RESF1: variants seen among roughly 807,000 people sequenced by gnomAD.
The protein encoded by RESF1 is gonad expressed transcript.
Under a neutral mutation model 134.7 loss-of-function variants are expected in RESF1, and 65 were observed. The ratio of observed to expected loss-of-function variants is 0.48; its 90% CI spans 0.40 to 0.59. RESF1 has a LOEUF of 0.59. Ranked by LOEUF, RESF1 falls within the 20% of genes least tolerant of loss-of-function variation. The probability of loss-of-function intolerance (pLI) is 0.00; values close to 1 mark genes in which losing one functional copy is unlikely to be tolerated. For synonymous variants in RESF1, 762 were observed against 702.2 expected, an observed-to-expected ratio of 1.09 and a Z score of -1.35; for missense variants, 2,274 against 2,002.7, an observed-to-expected ratio of 1.14 and a Z score of -2.59.
Position 31,959,468 on chromosome 12 carries a change from G to A in RESF1, c.-365G>A, listed in dbSNP as rs1335174418. ...GCCGCCGGTTTTCTCCCCGCTTGCC[G>A]GGGTGGTCCTCTTCCCTTTGTCGGT... On this transcript the variant is annotated 5_prime_UTR_variant, in exon 1 of 6. Transcript: ENST00000312561. The A allele has an allele frequency of 1.3e-5, 2 of 152,350 alleles. No individual in the cohort carries two copies. The highest frequency in any genetic ancestry group is 6.5e-5 in the Admixed American group (1 of 15,284). 9.4% of individuals were successfully genotyped at this position (152,350 alleles called of 1,614,324 possible).
rs1004350052 is a variant in RESF1 at position 31,992,284 on chromosome 12, C to A, written c.5087-94C>A. The A allele has an allele frequency of 3.7e-6, 4 of 1,086,676 alleles. No individual in the cohort carries two copies. In the African/African-American group the frequency reaches 4.8e-5, roughly 13 times the overall value. The allele number at this position is 1,086,676 out of a possible 1,614,324, so 67.3% of individuals were successfully genotyped here. Reference sequence around the variant, plus strand: ...TTAACTCCTTGCCTTAATTTTTTATCCCTCCAATATATATTTTCCCTCTGA... The same window carrying A: ...TTAACTCCTTGCCTTAATTTTTTATACCTCCAATATATATTTTCCCTCTGA... On this transcript the variant is annotated intron_variant, in intron 5 of 5. Coordinates refer to ENST00000312561, the MANE Select transcript of RESF1 (RefSeq NM_018169.4).
At chr12:31,976,670 G>A (rs146701789) in intron 3 of RESF1, among the ~76,000 whole-genome samples, 293 of 152,024 alleles carry the variant, frequency 1.9e-3, no homozygotes, top group African/African-American at 6.8e-3. Flanking sequence ...GTGACAGAGC[G>A]AGACTCCATC....
chr12:31,960,356 C>T lies in RESF1; in HGVS notation c.-341-421C>T, dbSNP rs1939232757. ...GGGCGGGTGCATTTCAGTAGGCGGG[C>T]CGCAGAGCTTGTTTGGGGATTGCAT... is the stretch of plus-strand genomic sequence containing the variant. On this transcript the variant is annotated intron_variant, in intron 1 of 5. Transcript: ENST00000312561. 2.6e-5 allele frequency among the ~76,000 whole-genome samples: 4 copies of T among 152,074 alleles called. No individual in the cohort carries two copies. The South Asian group carries it at 8.3e-4, about 32-fold the overall frequency.
intron 3 of RESF1, among the ~76,000 whole-genome samples, chr12:31,973,885 A>G (rs1307183185): frequency 2.0e-5 from 3 of 152,084 alleles, no homozygotes; most frequent in Non-Finnish European, 4.4e-5. Context: ...CTACAATTCA[A>G]TTACATGTTG....
Position 31,992,955 on chromosome 12 carries a change from A to G in RESF1, c.*420A>G, listed in dbSNP as rs1446457655. 4 of 165,532 alleles carry G rather than the reference A, an allele frequency of 2.4e-5. No individual in the cohort carries two copies. Among genetic ancestry groups the G allele is most frequent in the African/African-American group, 9.6e-5 (4 of 41,534 alleles). The allele number at this position is 165,532 out of a possible 1,614,324, so 10.3% of individuals were successfully genotyped here. On this transcript the variant is annotated 3_prime_UTR_variant, in exon 6 of 6. Coordinates refer to ENST00000312561, the MANE Select transcript of RESF1 (RefSeq NM_018169.4). ...TTCAAAAATGCCCACTGTGATGTGA[A>G]TGTCAAAATATATTCTTAAGTGTTT...
Position 31,985,606 on chromosome 12 carries a change from G to T in RESF1, c.4651G>T (p.Asp1551Tyr), listed in dbSNP as rs755802195. 1 of 1,605,408 alleles carries T rather than the reference G, an allele frequency of 6.2e-7. No individual in the cohort carries two copies. The highest frequency in any genetic ancestry group is 1.3e-5 in the African/African-American group (1 of 74,248). ...GGKQPDKIWI[D>Y]KTKLDKLTNI... ...GAAGCAGCCTGATAAAATATGGATT[G>T]ATAAGACTAAATTAGACAAATTAAC... The change falls in exon 4 of 6, where the codon GAT (aspartate) becomes TAT (tyrosine). Residue 1551 changes from aspartate to tyrosine, a missense_variant. Physicochemically the swap from Asp to Tyr is radical, Grantham distance 160 (BLOSUM62 -3). Transcript: ENST00000312561.
At chr12:31,964,824 A>C (rs1343766229) in intron 2 of RESF1, among the ~76,000 whole-genome samples, 2 of 152,198 alleles carry the variant, frequency 1.3e-5, no homozygotes, top group Non-Finnish European at 2.9e-5. Context: ...TAAGTTTTTA[A>C]GATATCCTGG....
In RESF1 at chr12:31,967,667, G is replaced by T. The variant is rs11051705; in HGVS notation, c.-246-2522G>T. On this transcript the variant is annotated intron_variant, in intron 2 of 5. Transcript: ENST00000312561. ...GCCTGCCTCCGCAGGGGGGATTTTT[G>T]TTTTTTTTGTGTGTGTGTGTGTTTT... Among the ~76,000 whole-genome samples the T allele has an allele frequency of 9.8e-3, 516 of 52,662 alleles. 16 individuals carry two copies. In the East Asian group the frequency reaches 0.14, roughly 15 times the overall value. 34.5% of individuals were successfully genotyped at this position (52,662 alleles called of 152,430 possible). A position where few individuals can be genotyped will look rare whatever the true frequency, so the allele number is the denominator to read the frequency against.
chr12:31,992,648 TC>T lies in RESF1; in HGVS notation c.*116del. ...TGATAAAGATTTCTCAGAGTTTGGT[TC>T]CCACTTTCATTGTATTTCATTGAAA... is the stretch of plus-strand genomic sequence containing the variant. On this transcript the variant is annotated 3_prime_UTR_variant, in exon 6 of 6. Coordinates refer to ENST00000312561, the MANE Select transcript of RESF1 (RefSeq NM_018169.4). The T allele has an allele frequency of 2.6e-6, 3 of 1,133,182 alleles. No homozygotes were observed. Among genetic ancestry groups the T allele is most frequent in the Non-Finnish European group, 3.9e-6 (3 of 768,256 alleles). The allele number at this position is 1,133,182 out of a possible 1,614,324, so 70.2% of individuals were successfully genotyped here.
chr12:31,972,022 G>T (rs975824528), intron 3 of RESF1, among the ~76,000 whole-genome samples: 2 of 152,168 alleles, frequency 1.3e-5, no homozygotes, highest in African/African-American at 2.4e-5. Context: ...AAAGGATAGA[G>T]TTTAGAAGGC....
chr12:31,979,452 G>T lies in RESF1; in HGVS notation c.-78-1426G>T, dbSNP rs531643212. On this transcript the variant is annotated intron_variant, in intron 3 of 5. Transcript: ENST00000312561. The stretch of plus-strand genomic sequence containing the variant: ...ACTGGCTATAAAGCAAACAAGGTAT[G>T]CTTTCTCTGAGGTCACTACCTTCCC... 3.3e-5 allele frequency among the ~76,000 whole-genome samples: 5 copies of T among 152,292 alleles called. No homozygotes were observed. The East Asian group carries it at 7.7e-4, about 23-fold the overall frequency.
intron 3 of RESF1, among the ~76,000 whole-genome samples, chr12:31,979,555 A>G (rs1939723259): frequency 6.6e-6 from 1 of 151,140 alleles, no homozygotes; most frequent in South Asian, 2.1e-4. Context: ...TTGTTTTTTA[A>G]AAAAAACAGC....
chr12:31,977,069 T>C (rs960778983), intron 3 of RESF1, among the ~76,000 whole-genome samples: 8 of 152,222 alleles, frequency 5.3e-5, no homozygotes, highest in Admixed American at 1.3e-4. Context: ...TAATGGTGTT[T>C]TTTGATAAAC....
chr12:31,981,391 G>C lies in RESF1; in HGVS notation c.436G>C (p.Val146Leu). Residue 146 changes from valine to leucine, a missense_variant, in exon 4 of 6, where the codon GTA becomes CTA. By Grantham distance (32) the Val-to-Leu change is conservative. Transcript: ENST00000312561. ...TCATCAAACTGATTTTGGAGCTAAC[G>C]TACCCAATATGCCGGCACTACAGAG... ...VSHQTDFGAN[V>L]PNMPALQSQL... 2 of 1,613,966 alleles carry C rather than the reference G, an allele frequency of 1.2e-6. No homozygotes were observed. Among genetic ancestry groups the C allele is most frequent in the Non-Finnish European group, 1.7e-6 (2 of 1,179,936 alleles).
In RESF1 at chr12:31,981,296, T is replaced by C; in HGVS notation, c.341T>C (p.Val114Ala). Reference protein sequence around the residue: ...LTHNLQMSSGVTQNVWLNSPM... With the variant: ...LTHNLQMSSGATQNVWLNSPM... ...CACAATTTGCAGATGTCTTCAGGAG[T>C]TACCCAAAACGTATGGTTGAACTCA... Residue 114 changes from valine (V) to alanine (A), a missense_variant, in exon 4 of 6, where the codon GTT becomes GCT. Transcript: ENST00000312561. 6.2e-7 allele frequency: 1 copy of C among 1,614,078 alleles called. No individual in the cohort carries two copies. The highest frequency in any genetic ancestry group is 8.5e-7 in the Non-Finnish European group (1 of 1,180,000).
At chr12:31,988,241 C>T (rs1940017209) in intron 5 of RESF1, among the ~76,000 whole-genome samples, 1 of 152,120 alleles carries the variant, frequency 6.6e-6, no homozygotes, top group African/African-American at 2.4e-5. Context: ...CCCCTCTTTT[C>T]AAAGTCCATT....
chr12:31,991,791 GC>G (rs1286048288), intron 5 of RESF1, among the ~76,000 whole-genome samples: 2 of 152,116 alleles, frequency 1.3e-5, no homozygotes, highest in East Asian at 3.9e-4. Context: ...CATGTGATCT[GC>G]TTGCCTTGGC....
At chr12:31,977,311 G>A (rs1939657952) in intron 3 of RESF1, among the ~76,000 whole-genome samples, 1 of 152,164 alleles carries the variant, frequency 6.6e-6, no homozygotes, top group Non-Finnish European at 1.5e-5. Context: ...CTCACGAGTA[G>A]CTGGGATTAC....
chr12:31,992,764 A>C lies in RESF1; in HGVS notation c.*229A>C, dbSNP rs1482442556. 2.0e-6 allele frequency: 1 copy of C among 500,236 alleles called. No individual in the cohort carries two copies. The highest frequency in any genetic ancestry group is 3.6e-6 in the Non-Finnish European group (1 of 280,356). 31.0% of individuals were successfully genotyped at this position (500,236 alleles called of 1,614,324 possible). Reference sequence around the variant, plus strand: ...GGGGAAACAAGGTATTTGAATTTCTACTTTATTGAACCAGATTTACCATTA... The same window carrying C: ...GGGGAAACAAGGTATTTGAATTTCTCCTTTATTGAACCAGATTTACCATTA... On this transcript the variant is annotated 3_prime_UTR_variant, in exon 6 of 6. Coordinates refer to ENST00000312561, the MANE Select transcript of RESF1 (RefSeq NM_018169.4).
Sources: allele counts gnomAD v4.1 joint callset (sites outside exome capture counted in the v4.1 genomes callset), GRCh38; gene constraint gnomAD v4.1.1; transcripts MANE v1.5; gene names NCBI Gene and HGNC (gene_info 2026-07-23, HGNC 2026-07-21).